The following ZZEF1 variants were observed in gnomAD, a reference collection of about 807,000 sequenced individuals.
The protein encoded by ZZEF1 is zinc finger ZZ-type and EF-hand domain-containing protein 1.
A neutral mutation model predicts 342.8 loss-of-function variants in ZZEF1; 157 were observed. The ratio of observed to expected loss-of-function variants is 0.46; its 90% CI spans 0.40 to 0.52. The LOEUF is 0.52. ZZEF1 is among the 20% of genes least tolerant of loss of function. ZZEF1 has a pLI of 0.00. For missense variants in ZZEF1, 3,480 were observed against 3,725.6 expected (o/e 0.93, Z 1.72); for synonymous variants, 1,505 against 1,429.1 (o/e 1.05, Z -1.20).
rs746691682 is a variant in ZZEF1, at chr17:4,014,069, C to T, written c.8413+21G>A. 1.3e-5 allele frequency: 21 copies of T among 1,611,486 alleles called. No individual in the cohort carries two copies. Among genetic ancestry groups the T allele is most frequent in the South Asian group, 5.5e-5 (5 of 90,980 alleles). ...GTCCCTGGCAGGCAGATGGTGTGAA[C>T]GCAAAGCCCAGAGCACACACCTGTC... is the stretch of plus-strand genomic sequence containing the variant. On this transcript the variant is annotated intron_variant, in intron 51 of 54. Coordinates refer to ENST00000381638, the MANE Select transcript of ZZEF1 (RefSeq NM_015113.4). This position sits in a 1 kb window ranked among gnomAD's most constrained non-coding sequence, Gnocchi z 4.4.
At chr17:4,075,005 T>C in intron 23 of ZZEF1, 92 bp downstream of exon 23, 1 of 1,297,684 alleles carries the variant, frequency 7.7e-7, no homozygotes. Context: ...ATGCCTCCCT[T>C]CAAAGACCTT....
intron 30 of ZZEF1, among the ~76,000 whole-genome samples, chr17:4,062,381 G>A (rs1440632484): frequency 6.6e-6 from 1 of 151,068 alleles, no homozygotes; most frequent in African/African-American, 2.4e-5. Flanking sequence ...CACACTAGAT[G>A]CTCAAAAGGT....
At position 4,051,919 on chromosome 17, in the gene ZZEF1, T is replaced by G. The variant is rs2057055816; in HGVS notation, c.5600+52A>C. The G allele has an allele frequency of 5.8e-6, 9 of 1,541,408 alleles. 1 individual carries two copies. The East Asian group carries it at 2.1e-4, about 35-fold the overall frequency. On this transcript the variant is annotated intron_variant, in intron 35 of 54. Transcript: ENST00000381638. ...AAAAAGAAAGAAGTCCCTTTTCAAG[T>G]GAAGGAACGTGTAAATAAAAGGCTT...
intron 1 of ZZEF1, among the ~76,000 whole-genome samples, chr17:4,137,839 C>T (rs1382845642): frequency 6.6e-6 from 1 of 152,174 alleles, no homozygotes; most frequent in African/African-American, 2.4e-5. Flanking sequence ...GCTGAAAACA[C>T]CATTATGGAG....
In ZZEF1 at chr17:4,074,287, T is replaced by A; in HGVS notation, c.3548A>T (p.Glu1183Val). The A allele has an allele frequency of 6.2e-7, 1 of 1,614,086 alleles. No homozygotes were observed. The highest frequency in any genetic ancestry group is 8.5e-7 in the Non-Finnish European group (1 of 1,180,018). ...AGTGACAGTGAATTTGTAGCCCCATTCGTTGTGACTGCTGTCAGAGTGAAA... is the reference window on the plus strand; with the variant it reads ...AGTGACAGTGAATTTGTAGCCCCATACGTTGTGACTGCTGTCAGAGTGAAA... Reference protein sequence around the residue: ...FLFHSDSSHNEWGYKFTVTAC... With the variant: ...FLFHSDSSHNVWGYKFTVTAC... The change falls in exon 24 of 55, where the codon GAA becomes GTA. Residue 1183 changes from glutamate (E) to valine (V), a missense_variant. Glu to Val is a moderately radical substitution (Grantham distance 121, BLOSUM62 -2). Around this residue, in one of 5 missense-constraint regions of ZZEF1, gnomAD observed 1,528 missense variants for 1,624.1 expected, o/e 0.94. Transcript: ENST00000381638.
intron 52 of ZZEF1, among the ~76,000 whole-genome samples, chr17:4,010,247 G>A (rs2055911275): frequency 6.6e-6 from 1 of 151,886 alleles, no homozygotes; most frequent in Non-Finnish European, 1.5e-5. Context: ...CCAGCTACTC[G>A]AGAGGCTGAG....
chr17:4,077,434 T>C (rs1407480454), intron 19 of ZZEF1, among the ~76,000 whole-genome samples: 2 of 152,174 alleles, frequency 1.3e-5, no homozygotes, highest in African/African-American at 2.4e-5. Flanking sequence ...TCAGCACCCG[T>C]TGGGTTTCAT....
chr17:4,022,681 A>G, intron 44 of ZZEF1, 28 bp downstream of exon 44: 2 of 1,613,242 alleles, frequency 1.2e-6, no homozygotes, highest in Non-Finnish European at 1.7e-6. Context: ...ACCAGGAAAG[A>G]GGAGCAGGAG....
rs1423739171 is a variant in ZZEF1, at chr17:4,067,350, G to C, written c.4076-108C>G. On this transcript the variant is annotated intron_variant, in intron 26 of 54. Coordinates refer to ENST00000381638, the MANE Select transcript of ZZEF1 (RefSeq NM_015113.4). ...GCTGAAGTACAGGAAAAGTCCTCCT[G>C]ACAATCACACATTGAGGATGGTAAG... The C allele has an allele frequency of 3.9e-6, 3 of 771,800 alleles. No homozygotes were observed. The Admixed American group carries it at 9.0e-5, about 23-fold the overall frequency. 47.8% of individuals were successfully genotyped at this position (771,800 alleles called of 1,614,324 possible).
intron 52 of ZZEF1, 96 bp downstream of exon 52, chr17:4,013,353 T>G: frequency 8.0e-7 from 1 of 1,246,972 alleles, no homozygotes; most frequent in Non-Finnish European, 1.1e-6. Context: ...CACAAATGTC[T>G]TTTCATCAAA....
Position 4,062,894 on chromosome 17 carries a change from C to G in ZZEF1, c.4742G>C (p.Arg1581Thr). 6.2e-7 allele frequency: 1 copy of G among 1,611,958 alleles called. No individual in the cohort carries two copies. The highest frequency in any genetic ancestry group is 8.5e-7 in the Non-Finnish European group (1 of 1,179,306). Residue 1581 changes from arginine (R) to threonine (T), a missense_variant, in exon 30 of 55, where the codon AGG (arginine) becomes ACG (threonine). By Grantham distance (71) the Arg-to-Thr change is moderately conservative. Transcript: ENST00000381638. Reference sequence around the variant, plus strand: ...CAGGATGCTCTGGGCCTGGGCTTTCCTCAGGGAAAGAACCTTCACAACACT... The same window carrying G: ...CAGGATGCTCTGGGCCTGGGCTTTCGTCAGGGAAAGAACCTTCACAACACT... ...HRSVVKVLSL[R>T]KAQAQSILEV...
chr17:4,071,789 C>T (rs1388946643), intron 25 of ZZEF1, among the ~76,000 whole-genome samples: 1 of 152,026 alleles, frequency 6.6e-6, no homozygotes, highest in African/African-American at 2.4e-5. Context: ...AAATGCCTCA[C>T]AGGAAGATGG....
At chr17:4,043,335 G>A (rs143669664) in intron 38 of ZZEF1, among the ~76,000 whole-genome samples, 300 of 152,350 alleles carry the variant, frequency 2.0e-3, no homozygotes, top group African/African-American at 6.9e-3. Context: ...AGGGGAATGA[G>A]ACTCCAGTGA....
chr17:4,133,879 T>G (rs11658341), intron 1 of ZZEF1, among the ~76,000 whole-genome samples: 77,377 of 151,752 alleles, frequency 0.51, 22,131 homozygotes, highest in East Asian at 0.74. Flanking sequence ...TAGTTTTTTA[T>G]TTTTTTGTAG....
chr17:4,029,833 CA>C (rs1190233022), intron 42 of ZZEF1, among the ~76,000 whole-genome samples: 1 of 140,554 alleles, frequency 7.1e-6, no homozygotes, highest in Non-Finnish European at 1.5e-5. Context: ...GAGATCATGC[CA>C]ATGCACTCCA....
chr17:4,098,368 C>A (rs1029823175), intron 9 of ZZEF1, among the ~76,000 whole-genome samples: 6 of 151,948 alleles, frequency 3.9e-5, no homozygotes, highest in African/African-American at 1.5e-4. Flanking sequence ...GCTATCATCA[C>A]AACACTTCAC....
At chr17:4,024,214 T>TTTTTTTTTTTA (rs1861906932) in intron 43 of ZZEF1, among the ~76,000 whole-genome samples, 1 of 147,576 alleles carries the variant, frequency 6.8e-6, no homozygotes. Flanking sequence ...TTTTTTTTTT[T>TTTTTTTTTTTA]ACAGAGGGAG....
At chr17:4,046,595 T>C (rs2056918707) in intron 37 of ZZEF1, among the ~76,000 whole-genome samples, 1 of 152,156 alleles carries the variant, frequency 6.6e-6, no homozygotes, top group Non-Finnish European at 1.5e-5. Context: ...CAATCCTACC[T>C]TCAACCTCTT....
At position 4,016,078 on chromosome 17, in the gene ZZEF1, GGTGGCCC is replaced by G. The variant is rs2056092389; in HGVS notation, c.8145+238_8145+244del. ...AAAGTAAAGCTCTCCTCCAGGGCTA[GGTGGCCC>G]ATTTTCTTCTATTAAAACAAGAAAA... On this transcript the variant is annotated intron_variant, in intron 49 of 54. Coordinates refer to ENST00000381638, the MANE Select transcript of ZZEF1 (RefSeq NM_015113.4). This position sits in a 1 kb window ranked among gnomAD's most constrained non-coding sequence, Gnocchi z 4.4. Among the ~76,000 whole-genome samples, 2 of 152,220 alleles carry G rather than the reference GGTGGCCC, an allele frequency of 1.3e-5. No individual in the cohort carries two copies. The highest frequency in any genetic ancestry group is 2.9e-5 in the Non-Finnish European group (2 of 68,038).
Sources: allele counts gnomAD v4.1 joint callset (sites outside exome capture counted in the v4.1 genomes callset), GRCh38; gene constraint gnomAD v4.1.1; regional missense constraint gnomAD v4.1.1; non-coding constraint Gnocchi (gnomAD v3.1); transcripts MANE v1.5; gene names NCBI Gene and HGNC (gene_info 2026-07-23, HGNC 2026-07-21).